The following CTTNBP2 variants were observed in gnomAD, a reference collection of about 807,000 sequenced individuals.
CTTNBP2 encodes cortactin-binding protein 2.
In CTTNBP2, 108 loss-of-function variants were observed where a neutral mutation model predicts 156.9. The observed-to-expected ratio is 0.69, with a 90% CI of 0.59 to 0.81. The LOEUF (loss-of-function observed/expected upper bound fraction) is 0.81, where lower values mean the gene tolerates loss of function less well. Among genes scored for constraint, CTTNBP2 ranks in the 30% least tolerant of loss-of-function variants. CTTNBP2 has a pLI of 0.00. For synonymous variants in CTTNBP2, 767 were observed against 751.8 expected (o/e 1.02, Z -0.33); for missense variants, 1,924 against 2,035.4 (o/e 0.95, Z 1.05).
At position 117,775,159 on chromosome 7, in the gene CTTNBP2, C is replaced by T. The variant is rs373793776; in HGVS notation, c.2778+2352G>A. On this transcript the variant is annotated intron_variant, in intron 8 of 22. Transcript: ENST00000160373. ...TTAATCATAAAATGGAGAGGTTAGACTAGAAGATTAAATGTCCACTCTAGG... is the reference window on the plus strand; with the variant it reads ...TTAATCATAAAATGGAGAGGTTAGATTAGAAGATTAAATGTCCACTCTAGG... Among the ~76,000 whole-genome samples the T allele has an allele frequency of 3.9e-5, 6 of 152,180 alleles. No homozygotes were observed. In the East Asian group the frequency reaches 1.2e-3, roughly 29 times the overall value.
intron 14 of CTTNBP2, among the ~76,000 whole-genome samples, chr7:117,744,369 T>C (rs953776551): frequency 6.6e-6 from 1 of 152,102 alleles, no homozygotes; most frequent in Non-Finnish European, 1.5e-5. Context: ...ATCCTTCTAC[T>C]CTCTATCTCC....
chr7:117,744,063 G>C (rs906772513), intron 14 of CTTNBP2, among the ~76,000 whole-genome samples: 6 of 151,956 alleles, frequency 3.9e-5, no homozygotes, highest in African/African-American at 1.5e-4. Context: ...ATGTATTTGT[G>C]TGTCTATGAG....
chr7:117,780,926 T>C (rs1455267163), intron 6 of CTTNBP2, among the ~76,000 whole-genome samples: 1 of 152,254 alleles, frequency 6.6e-6, no homozygotes, highest in Admixed American at 6.5e-5. Context: ...CTGTACTTGA[T>C]AAATATATAT....
At chr7:117,839,446 T>C (rs1802148566) in intron 2 of CTTNBP2, among the ~76,000 whole-genome samples, 1 of 150,606 alleles carries the variant, frequency 6.6e-6, no homozygotes, top group Non-Finnish European at 1.5e-5. Flanking sequence ...TCTAATAATT[T>C]GGCAAAATCC....
intron 3 of CTTNBP2, among the ~76,000 whole-genome samples, chr7:117,802,977 A>T (rs1323258242): frequency 6.6e-6 from 1 of 152,174 alleles, no homozygotes; most frequent in African/African-American, 2.4e-5. Flanking sequence ...CAGTTTGGAG[A>T]TTTCTCAAAG....
intron 12 of CTTNBP2, among the ~76,000 whole-genome samples, chr7:117,756,275 T>C (rs1420961941): frequency 6.6e-6 from 1 of 152,162 alleles, no homozygotes; most frequent in Non-Finnish European, 1.5e-5. Flanking sequence ...TGACATCAAG[T>C]CCTTGTTAAA....
chr7:117,761,561 T>C (rs965866449), intron 9 of CTTNBP2, among the ~76,000 whole-genome samples: 1 of 152,220 alleles, frequency 6.6e-6, no homozygotes, highest in African/African-American at 2.4e-5. Flanking sequence ...ACTGTTCCTA[T>C]GAAAACTAAG....
intron 12 of CTTNBP2, among the ~76,000 whole-genome samples, chr7:117,747,557 G>C (rs932662762): frequency 4.6e-5 from 7 of 152,210 alleles, no homozygotes; most frequent in African/African-American, 1.7e-4. Flanking sequence ...CGGATCACTT[G>C]AGGTCAGGCG....
intron 2 of CTTNBP2, among the ~76,000 whole-genome samples, chr7:117,840,465 G>A (rs955404918): frequency 6.6e-6 from 1 of 152,238 alleles, no homozygotes; most frequent in East Asian, 1.9e-4. Context: ...GATTGAGGCT[G>A]CAATTCAGCC....
chr7:117,748,289 A>C (rs191923052), intron 12 of CTTNBP2, among the ~76,000 whole-genome samples: 48 of 152,308 alleles, frequency 3.2e-4, no homozygotes, highest in Middle Eastern at 3.4e-3. Flanking sequence ...TGCTGCCCAG[A>C]TATGTCTAGT....
intron 19 of CTTNBP2, among the ~76,000 whole-genome samples, chr7:117,723,848 G>A (rs1794939579): frequency 6.6e-6 from 1 of 151,062 alleles, no homozygotes; most frequent in African/African-American, 2.4e-5. Flanking sequence ...TGTGTCGCAG[G>A]TTCAAGCAAT....
rs755340586 is a variant in CTTNBP2 at position 117,794,877 on chromosome 7, CTT to C, written c.415-2098_415-2097del. ...TCATATACTGTTTTTATATGTATAT[CTT>C]TTTTTTTTTTTTTTTTTTTTTTTTT... On this transcript the variant is annotated intron_variant, in intron 3 of 22. Coordinates refer to ENST00000160373, the MANE Select transcript of CTTNBP2 (RefSeq NM_033427.3). Among the ~76,000 whole-genome samples, 756 of 88,136 alleles carry C rather than the reference CTT, an allele frequency of 8.6e-3. 5 individuals are homozygous for C. Among genetic ancestry groups the C allele is most frequent in the African/African-American group, 0.037 (702 of 18,780 alleles). The allele number at this position is 88,136 out of a possible 152,430, so 57.8% of individuals were successfully genotyped here.
intron 1 of CTTNBP2, among the ~76,000 whole-genome samples, chr7:117,870,991 T>C (rs757135857): frequency 6.6e-6 from 1 of 152,228 alleles, no homozygotes; most frequent in Non-Finnish European, 1.5e-5. Flanking sequence ...TAGTCAAAGC[T>C]TAGTGAAAAC....
At chr7:117,731,166 TAAAAAGAGA>T (rs1345911237) in intron 16 of CTTNBP2, among the ~76,000 whole-genome samples, 1 of 152,154 alleles carries the variant, frequency 6.6e-6, no homozygotes, top group Non-Finnish European at 1.5e-5. Flanking sequence ...CAGAAGTTCT[TAAAAAGAGA>T]AATAAAATAT....
intron 1 of CTTNBP2, chr7:117,871,843 T>TCCACACACACACACACACACACAC (rs1563083191): frequency 3.3e-6 from 1 of 303,292 alleles, no homozygotes; most frequent in Admixed American, 3.7e-4. Flanking sequence ...GTCCTTCCCC[T>TCCACACACACACACACACACACAC]TCACACACAC....
At chr7:117,812,846 C>T (rs1479834149) in intron 2 of CTTNBP2, among the ~76,000 whole-genome samples, 1 of 152,086 alleles carries the variant, frequency 6.6e-6, no homozygotes, top group African/African-American at 2.4e-5. Context: ...TAATAAAAGA[C>T]CTACAGTCAC....
intron 2 of CTTNBP2, among the ~76,000 whole-genome samples, chr7:117,819,442 A>G (rs1800823118): frequency 6.6e-6 from 1 of 151,964 alleles, no homozygotes; most frequent in South Asian, 2.1e-4. Flanking sequence ...GCAGAGTGGA[A>G]TAGCAATATA....
chr7:117,762,842 G>T (rs189997373), intron 9 of CTTNBP2, among the ~76,000 whole-genome samples: 4 of 152,170 alleles, frequency 2.6e-5, no homozygotes, highest in Non-Finnish European at 5.9e-5. Flanking sequence ...CCGTCTTCCT[G>T]CTTCTCTTTC....
At chr7:117,852,567 G>A (rs78272360) in intron 2 of CTTNBP2, among the ~76,000 whole-genome samples, 1 of 152,226 alleles carries the variant, frequency 6.6e-6, no homozygotes, top group Non-Finnish European at 1.5e-5. Flanking sequence ...CAAGCTTTTG[G>A]TATAATTAAT....
Sources: allele counts gnomAD v4.1 joint callset (sites outside exome capture counted in the v4.1 genomes callset), GRCh38; gene constraint gnomAD v4.1.1; transcripts MANE v1.5; gene names NCBI Gene and HGNC (gene_info 2026-07-23, HGNC 2026-07-21).